ZFPM2: variants seen among roughly 807,000 people sequenced by gnomAD.
ZFPM2 encodes the protein zinc finger protein, FOG family member 2, also known as zinc finger protein ZFPM2.
In ZFPM2, 20 loss-of-function variants were observed where a neutral mutation model predicts 98.6. The observed-to-expected ratio is 0.20, with a 90% CI of 0.14 to 0.29. The LOEUF (loss-of-function observed/expected upper bound fraction) is 0.29. ZFPM2 is among the 10% of genes least tolerant of loss of function. The probability of loss-of-function intolerance (pLI) is 1.00; values close to 1 mark genes in which losing one functional copy is unlikely to be tolerated. For missense variants in ZFPM2, 1,310 were observed against 1,388.6 expected, an observed-to-expected ratio of 0.94 and a Z score of 0.90; for synonymous variants, 518 against 502.7, an observed-to-expected ratio of 1.03 and a Z score of -0.41.
intron 1 of ZFPM2, among the ~76,000 whole-genome samples, chr8:105,409,004 T>C (rs1811522661): frequency 6.6e-6 from 1 of 151,830 alleles, no homozygotes; most frequent in African/African-American, 2.4e-5. Context: ...CTGATTATAA[T>C]AAGGTATTGG....
intron 3 of ZFPM2, among the ~76,000 whole-genome samples, chr8:105,507,274 AAG>A (rs1394867419): frequency 5.9e-5 from 9 of 152,318 alleles, no homozygotes; most frequent in African/African-American, 2.2e-4. Context: ...ATCAGAGACT[AAG>A]AGTGATCTCA....
intron 2 of ZFPM2, among the ~76,000 whole-genome samples, chr8:105,434,992 G>A (rs547878998): frequency 1.3e-5 from 2 of 152,212 alleles, no homozygotes; most frequent in African/African-American, 2.4e-5. Flanking sequence ...TTTTTGCCTG[G>A]CGAGTGGAGC....
At chr8:105,737,859 C>A (rs944427973) in intron 5 of ZFPM2, 6 of 151,938 alleles carry the variant, frequency 3.9e-5, no homozygotes, top group African/African-American at 1.5e-4. Context: ...CTCCACATAA[C>A]TTTTCAATGT....
intron 3 of ZFPM2, among the ~76,000 whole-genome samples, chr8:105,466,576 A>G (rs984645415): frequency 6.6e-6 from 1 of 152,014 alleles, no homozygotes; most frequent in Non-Finnish European, 1.5e-5. Flanking sequence ...TGTTATTCCC[A>G]TAGGTCCTTC....
chr8:105,428,830 T>G (rs1297856032), intron 2 of ZFPM2, among the ~76,000 whole-genome samples: 1 of 152,106 alleles, frequency 6.6e-6, no homozygotes, highest in Non-Finnish European at 1.5e-5. Flanking sequence ...CAACAGATGG[T>G]AAGAGTGGAA....
chr8:105,712,349 G>A (rs544524012), intron 5 of ZFPM2, among the ~76,000 whole-genome samples: 73 of 152,124 alleles, frequency 4.8e-4, no homozygotes, highest in Non-Finnish European at 9.7e-4. Context: ...GATTTTGAAA[G>A]ACAGACCATA....
chr8:105,620,480 G>T (rs1168902867), intron 4 of ZFPM2, among the ~76,000 whole-genome samples: 1 of 152,132 alleles, frequency 6.6e-6, no homozygotes, highest in Non-Finnish European at 1.5e-5. Context: ...CATTCTGTAG[G>T]TTGTCTGTTC....
intron 1 of ZFPM2, among the ~76,000 whole-genome samples, chr8:105,404,231 T>G (rs979750963): frequency 1.3e-5 from 2 of 152,122 alleles, no homozygotes; most frequent in Non-Finnish European, 2.9e-5. Context: ...CCAGGAGGAT[T>G]TTTTAAGAGA....
chr8:105,442,582 A>G (rs1203445025), intron 2 of ZFPM2, among the ~76,000 whole-genome samples: 4 of 152,116 alleles, frequency 2.6e-5, no homozygotes, highest in African/African-American at 7.2e-5. Context: ...ATTTTCAAAA[A>G]TATTTTAATT....
intron 3 of ZFPM2, among the ~76,000 whole-genome samples, chr8:105,541,874 C>T (rs1214823528): frequency 2.0e-5 from 3 of 151,874 alleles, no homozygotes; most frequent in Non-Finnish European, 2.9e-5. Context: ...AAATGGACAC[C>T]AAATGCCATT....
chr8:105,713,761 A>G (rs1254859432), intron 5 of ZFPM2, among the ~76,000 whole-genome samples: 1 of 152,022 alleles, frequency 6.6e-6, no homozygotes, highest in Non-Finnish European at 1.5e-5. Context: ...TGAAAATCAG[A>G]TGGTTATAGG....
intron 1 of ZFPM2, among the ~76,000 whole-genome samples, chr8:105,345,950 GT>G (rs925673286): frequency 6.6e-5 from 10 of 151,586 alleles, no homozygotes; most frequent in African/African-American, 1.7e-4. Context: ...TGATTTGAAT[GT>G]TTTTTTCAAT....
chr8:105,713,625 A>G (rs866508873), intron 5 of ZFPM2, among the ~76,000 whole-genome samples: 6 of 151,866 alleles, frequency 4.0e-5, no homozygotes, highest in African/African-American at 4.8e-5. Flanking sequence ...TCTTTAATCC[A>G]TCTTGAGTTA....
At chr8:105,776,675 T>G (rs1411016027) in intron 5 of ZFPM2, among the ~76,000 whole-genome samples, 2 of 152,320 alleles carry the variant, frequency 1.3e-5, no homozygotes, top group Non-Finnish European at 1.5e-5. Context: ...AATAGTCACA[T>G]AAGTAATCAT....
rs145931548 is a variant in ZFPM2, at chr8:105,797,244, GA to G, written c.740-1474del. 388 of 152,182 alleles carry G rather than the reference GA, an allele frequency of 2.5e-3. 2 individuals are homozygous for G. The highest frequency in any genetic ancestry group is 8.4e-3 in the African/African-American group (349 of 41,536). The allele number at this position is 152,182 out of a possible 1,614,324, so 9.4% of individuals were successfully genotyped here. ...CCTCACCTATAAGTGGATGAAGGGGGAAAAAACACACGTGAAGAAATTTACC... is the reference window on the plus strand; with the variant it reads ...CCTCACCTATAAGTGGATGAAGGGGGAAAAACACACGTGAAGAAATTTACC... On this transcript the variant is annotated intron_variant, in intron 6 of 7. Transcript: ENST00000407775.
At chr8:105,397,979 A>G (rs1388877204) in intron 1 of ZFPM2, among the ~76,000 whole-genome samples, 1 of 152,210 alleles carries the variant, frequency 6.6e-6, no homozygotes, top group Non-Finnish European at 1.5e-5. Flanking sequence ...GGCCACAGAT[A>G]TTATTTGTTA....
At chr8:105,558,666 C>T (rs1815055312) in intron 3 of ZFPM2, among the ~76,000 whole-genome samples, 1 of 152,110 alleles carries the variant, frequency 6.6e-6, no homozygotes, top group South Asian at 2.1e-4. Context: ...AAACCCTTTT[C>T]AAATGAAATA....
chr8:105,593,830 A>G (rs1315746747), intron 4 of ZFPM2, among the ~76,000 whole-genome samples: 2 of 152,102 alleles, frequency 1.3e-5, no homozygotes, highest in African/African-American at 4.8e-5. Context: ...AGTAAAAAAA[A>G]ATCCCTGAAA....
intron 6 of ZFPM2, among the ~76,000 whole-genome samples, chr8:105,797,445 T>G (rs751797458): frequency 1.3e-5 from 2 of 152,238 alleles, no homozygotes; most frequent in African/African-American, 2.4e-5. Flanking sequence ...ACTGCTATGA[T>G]TCTGATTATG....
Sources: allele counts gnomAD v4.1 joint callset (sites outside exome capture counted in the v4.1 genomes callset), GRCh38; gene constraint gnomAD v4.1.1; transcripts MANE v1.5; gene names NCBI Gene and HGNC (gene_info 2026-07-23, HGNC 2026-07-21).